CNTNAP2: variants seen among roughly 807,000 people sequenced by gnomAD.
CNTNAP2 encodes contactin-associated protein-like 2.
Under a neutral mutation model 155.2 loss-of-function variants are expected in CNTNAP2, and 98 were observed. That is an observed-to-expected ratio of 0.63 (90% CI 0.54 to 0.75). CNTNAP2 has a LOEUF of 0.75. Ranked by LOEUF, CNTNAP2 falls within the 30% of genes least tolerant of loss-of-function variation. CNTNAP2 has a pLI of 0.00. For synonymous variants in CNTNAP2, 651 were observed against 631.2 expected (o/e 1.03, Z -0.47); for missense variants, 1,727 against 1,688.1 (o/e 1.02, Z -0.40).
In CNTNAP2 at chr7:146,743,325, T is replaced by A. The variant is rs181908874; in HGVS notation, c.98-30946T>A. On this transcript the variant is annotated intron_variant, in intron 1 of 23. Transcript: ENST00000361727. ...GTTTGTGTCCCTTAAAGTTAAACCATCAGTGGACCTAATTAGCATAAGTTA... is the reference window on the plus strand; with the variant it reads ...GTTTGTGTCCCTTAAAGTTAAACCAACAGTGGACCTAATTAGCATAAGTTA... 5.6e-4 allele frequency among the ~76,000 whole-genome samples: 85 copies of A among 152,284 alleles called. 1 individual carries two copies. The highest frequency in any genetic ancestry group is 2.9e-5 in the Non-Finnish European group (2 of 68,014).
chr7:146,565,130 G>T (rs1798337755), intron 1 of CNTNAP2, among the ~76,000 whole-genome samples: 1 of 151,540 alleles, frequency 6.6e-6, no homozygotes, highest in African/African-American at 2.4e-5. Context: ...CATTTGTAAA[G>T]TTAAACACAC....
intron 1 of CNTNAP2, among the ~76,000 whole-genome samples, chr7:146,328,686 T>A (rs1166065358): frequency 6.6e-6 from 1 of 152,190 alleles, no homozygotes; most frequent in Admixed American, 6.5e-5. Context: ...CAGTATCTCC[T>A]CTTCTCTCCA....
chr7:147,397,464 A>G (rs1042340483), intron 10 of CNTNAP2, among the ~76,000 whole-genome samples: 1 of 152,084 alleles, frequency 6.6e-6, no homozygotes, highest in East Asian at 1.9e-4. Context: ...TGATGATACA[A>G]TAATTTCATT....
intron 1 of CNTNAP2, among the ~76,000 whole-genome samples, chr7:146,588,225 C>A (rs898637469): frequency 6.6e-6 from 1 of 151,964 alleles, no homozygotes; most frequent in Non-Finnish European, 1.5e-5. Context: ...GTTAAGTATT[C>A]TGAATTTTCT....
intron 3 of CNTNAP2, among the ~76,000 whole-genome samples, chr7:146,857,074 T>C (rs1000970169): frequency 1.6e-4 from 25 of 152,188 alleles, no homozygotes; most frequent in Admixed American, 5.9e-4. Context: ...TTGATAACTA[T>C]ATACTTACCT....
chr7:146,437,036 G>T (rs541579563), intron 1 of CNTNAP2, among the ~76,000 whole-genome samples: 3 of 151,530 alleles, frequency 2.0e-5, no homozygotes, highest in African/African-American at 7.3e-5. Flanking sequence ...CGGGCCGCAC[G>T]GCAGGAGGTG....
chr7:147,758,472 G>A (rs924271018), intron 13 of CNTNAP2, among the ~76,000 whole-genome samples: 21 of 152,260 alleles, frequency 1.4e-4, no homozygotes, highest in Admixed American at 2.6e-4. Flanking sequence ...CCTGGCCAAA[G>A]CTAGTTCAGC....
intron 8 of CNTNAP2, among the ~76,000 whole-genome samples, chr7:147,235,268 A>G (rs1034154661): frequency 6.6e-6 from 1 of 151,850 alleles, no homozygotes; most frequent in Non-Finnish European, 1.5e-5. Context: ...CACCTGGAAG[A>G]TCCTTAGACT....
chr7:148,199,212 C>T (rs1795328379), intron 18 of CNTNAP2, among the ~76,000 whole-genome samples: 1 of 152,144 alleles, frequency 6.6e-6, no homozygotes, highest in Non-Finnish European at 1.5e-5. Flanking sequence ...AAACTGAAAA[C>T]AGGAAATGAT....
intron 1 of CNTNAP2, among the ~76,000 whole-genome samples, chr7:146,440,508 A>T (rs1348677040): frequency 6.6e-6 from 1 of 151,526 alleles, no homozygotes; most frequent in Non-Finnish European, 1.5e-5. Flanking sequence ...AATGAAGTGG[A>T]TGGGTATGTC....
At chr7:148,071,643 C>T (rs896384181) in intron 15 of CNTNAP2, among the ~76,000 whole-genome samples, 3 of 152,188 alleles carry the variant, frequency 2.0e-5, no homozygotes, top group African/African-American at 7.2e-5. Context: ...TATTGCCATT[C>T]AGTATCATTG....
intron 15 of CNTNAP2, among the ~76,000 whole-genome samples, chr7:148,109,345 A>C (rs1804291004): frequency 7.0e-6 from 1 of 142,016 alleles, no homozygotes; most frequent in South Asian, 2.2e-4. Flanking sequence ...CTGGGAAAGA[A>C]GAGAGGTGTT....
chr7:147,819,311 C>T lies in CNTNAP2; in HGVS notation c.2099-84254C>T, dbSNP rs149614317. On this transcript the variant is annotated intron_variant, in intron 13 of 23. Coordinates refer to ENST00000361727, the MANE Select transcript of CNTNAP2 (RefSeq NM_014141.6). ...AATGCAGACCTTTAGTTTTGTCCAC[C>T]TTCCTGATGTTGCCTTTTTCACTTC... Among the ~76,000 whole-genome samples, 852 of 152,166 alleles carry T rather than the reference C, an allele frequency of 5.6e-3. 4 individuals carry two copies. Among genetic ancestry groups the T allele is most frequent in the Middle Eastern group, 0.017 (5 of 294 alleles).
intron 1 of CNTNAP2, among the ~76,000 whole-genome samples, chr7:146,295,938 G>A (rs1011125944): frequency 5.9e-5 from 9 of 151,610 alleles, no homozygotes; most frequent in Non-Finnish European, 1.2e-4. Flanking sequence ...GCTTGACAGA[G>A]CAAAGTGAAG....
chr7:147,775,625 G>C (rs1044478422), intron 13 of CNTNAP2, among the ~76,000 whole-genome samples: 9 of 151,238 alleles, frequency 6.0e-5, no homozygotes, highest in African/African-American at 2.2e-4. Flanking sequence ...TCAGAGCCCT[G>C]CTTCCTGGAC....
chr7:147,435,614 C>G (rs1246042217), intron 10 of CNTNAP2, among the ~76,000 whole-genome samples: 1 of 152,188 alleles, frequency 6.6e-6, no homozygotes, highest in Non-Finnish European at 1.5e-5. Context: ...CTTATTCCAT[C>G]CAATGTTCTA....
At chr7:147,979,037 A>G (rs1286728648) in intron 15 of CNTNAP2, among the ~76,000 whole-genome samples, 1 of 152,216 alleles carries the variant, frequency 6.6e-6, no homozygotes, top group African/African-American at 2.4e-5. Context: ...CCTACTTGAT[A>G]ATAAATTATA....
At chr7:146,412,024 G>C (rs556143132) in intron 1 of CNTNAP2, among the ~76,000 whole-genome samples, 27 of 152,078 alleles carry the variant, frequency 1.8e-4, no homozygotes, top group African/African-American at 6.5e-4. Flanking sequence ...GTAGGGATGA[G>C]GTTTCACCAT....
At chr7:146,551,390 T>A (rs1424522516) in intron 1 of CNTNAP2, among the ~76,000 whole-genome samples, 5 of 152,050 alleles carry the variant, frequency 3.3e-5, no homozygotes, top group Non-Finnish European at 7.4e-5. Flanking sequence ...CATGTGGTGT[T>A]TGGTTTTTTG....
Sources: allele counts gnomAD v4.1 joint callset (sites outside exome capture counted in the v4.1 genomes callset), GRCh38; gene constraint gnomAD v4.1.1; transcripts MANE v1.5; gene names NCBI Gene and HGNC (gene_info 2026-07-23, HGNC 2026-07-21).